Variants in MMP16 observed in about 807,000 individuals in gnomAD.
MMP16 encodes matrix metalloproteinase-16.
Under a neutral mutation model 67.8 loss-of-function variants are expected in MMP16, and 12 were observed. The observed-to-expected ratio is 0.18, with a 90% confidence interval of 0.11 to 0.29. MMP16 has a LOEUF of 0.29. Among genes scored for constraint, MMP16 ranks in the 10% least tolerant of loss-of-function variants. MMP16 has a pLI of 1.00. For missense variants in MMP16, 475 were observed against 765.7 expected, an observed-to-expected ratio of 0.62 and a Z score of 4.48; for synonymous variants, 249 against 255.9, an observed-to-expected ratio of 0.97 and a Z score of 0.26.
At chr8:88,046,973 G>A (rs181040438) in intron 8 of MMP16, among the ~76,000 whole-genome samples, 189 bp from the exon 9 acceptor site, 1 of 152,116 alleles carries the variant, frequency 6.6e-6, no homozygotes, top group Non-Finnish European at 1.5e-5. Flanking sequence ...AAAATACAAT[G>A]GGCATAAGGC....
At chr8:88,057,551 G>A (rs1013837277) in intron 7 of MMP16, among the ~76,000 whole-genome samples, 10 of 152,124 alleles carry the variant, frequency 6.6e-5, no homozygotes, top group Middle Eastern at 3.4e-3. Context: ...GTGTCCCAAC[G>A]TCCTTTCTAC....
chr8:88,065,401 T>C (rs1287572334), intron 7 of MMP16, among the ~76,000 whole-genome samples: 1 of 152,156 alleles, frequency 6.6e-6, no homozygotes, highest in Non-Finnish European at 1.5e-5. Context: ...ATCATTTTAA[T>C]AAGTAGAGGT....
intron 9 of MMP16, among the ~76,000 whole-genome samples, chr8:88,043,163 G>A (rs534063350): frequency 2.0e-5 from 3 of 152,270 alleles, no homozygotes; most frequent in East Asian, 1.9e-4. Context: ...TTAAGCCCAC[G>A]ATATTGAGGA....
chr8:88,214,685 G>A (rs982949400), intron 1 of MMP16, among the ~76,000 whole-genome samples: 6 of 152,122 alleles, frequency 3.9e-5, no homozygotes, highest in East Asian at 3.9e-4. Context: ...AGTATAAATC[G>A]TCTGCTTATT....
At chr8:88,222,897 G>A (rs1243220215) in intron 1 of MMP16, among the ~76,000 whole-genome samples, 1 of 151,816 alleles carries the variant, frequency 6.6e-6, no homozygotes, top group East Asian at 1.9e-4. Flanking sequence ...CTACCATCAG[G>A]GTGAACAGGC....
At chr8:88,095,388 C>T (rs1344701314) in intron 6 of MMP16, among the ~76,000 whole-genome samples, 1 of 151,502 alleles carries the variant, frequency 6.6e-6, no homozygotes, top group Non-Finnish European at 1.5e-5. Context: ...TGACTTTGGT[C>T]TTCTATGCAT....
At chr8:88,244,252 A>C (rs1375653457) in intron 1 of MMP16, among the ~76,000 whole-genome samples, 1 of 152,088 alleles carries the variant, frequency 6.6e-6, no homozygotes, top group African/African-American at 2.4e-5. Context: ...ACTTCAAACA[A>C]CTTTTATAAT....
At chr8:88,149,175 C>T (rs565085655) in intron 4 of MMP16, among the ~76,000 whole-genome samples, 4 of 152,334 alleles carry the variant, frequency 2.6e-5, no homozygotes, top group South Asian at 4.1e-4. Context: ...CGGCGCACCA[C>T]GAAACCATAT....
At chr8:88,147,327 T>C (rs1464454177) in intron 4 of MMP16, among the ~76,000 whole-genome samples, 1 of 152,080 alleles carries the variant, frequency 6.6e-6, no homozygotes, top group African/African-American at 2.4e-5. Context: ...TCTGAGAATA[T>C]TTTAATTCTC....
intron 1 of MMP16, among the ~76,000 whole-genome samples, chr8:88,221,364 C>T (rs932642032): frequency 4.6e-5 from 7 of 152,072 alleles, no homozygotes; most frequent in African/African-American, 1.7e-4. Flanking sequence ...ATTAGCAAGG[C>T]TGGCCATGAC....
At position 88,033,793 on chromosome 8, in the gene MMP16, G is replaced by A. The variant is rs1189297813; in HGVS notation, c.*7668C>T. On this transcript the variant is annotated 3_prime_UTR_variant, in exon 10 of 10. Coordinates refer to ENST00000286614, the MANE Select transcript of MMP16 (RefSeq NM_005941.5). ...GTCAAAACCAAGGCAGCAAAAAGCT[G>A]CCTCTGTAACACCCCTAATTCTTTG... is the stretch of plus-strand genomic sequence containing the variant. 6.6e-6 allele frequency: 1 copy of A among 151,936 alleles called. No homozygotes were observed. The highest frequency in any genetic ancestry group is 1.9e-4 in the East Asian group (1 of 5,192). The allele number at this position is 151,936 out of a possible 1,614,324, so 9.4% of individuals were successfully genotyped here. A position where few individuals can be genotyped will look rare whatever the true frequency, so the allele number is the denominator to read the frequency against.
intron 1 of MMP16, among the ~76,000 whole-genome samples, chr8:88,277,381 T>C (rs1810664368): frequency 1.3e-5 from 2 of 152,290 alleles, no homozygotes; most frequent in African/African-American, 4.8e-5. Context: ...AGCCTCCAGA[T>C]CTACATCTCC....
At chr8:88,197,019 A>C (rs1447159083) in intron 2 of MMP16, 139 bp downstream of exon 2, 6 of 775,288 alleles carry the variant, frequency 7.7e-6, no homozygotes, top group Non-Finnish European at 9.9e-6. Context: ...AGTGGGGTTA[A>C]ATTAGGTTAT....
chr8:88,169,394 C>T (rs1808764746), intron 3 of MMP16, among the ~76,000 whole-genome samples: 1 of 152,040 alleles, frequency 6.6e-6, no homozygotes, highest in Non-Finnish European at 1.5e-5. Flanking sequence ...TTCTGAGTAA[C>T]TCAATGAGAT....
chr8:88,216,165 G>A (rs1360174388), intron 1 of MMP16, among the ~76,000 whole-genome samples: 6 of 152,152 alleles, frequency 3.9e-5, no homozygotes, highest in Non-Finnish European at 8.8e-5. Flanking sequence ...TTTAGAAACT[G>A]TTCTAGTAAT....
chr8:88,166,800 C>T (rs531889862), intron 4 of MMP16, among the ~76,000 whole-genome samples: 16 of 147,136 alleles, frequency 1.1e-4, no homozygotes, highest in Non-Finnish European at 1.5e-4. Flanking sequence ...TATTGAACTC[C>T]TGAGCTCAAG....
At chr8:88,229,616 C>A (rs143068971) in intron 1 of MMP16, among the ~76,000 whole-genome samples, 85 of 151,592 alleles carry the variant, frequency 5.6e-4, no homozygotes, top group Non-Finnish European at 9.1e-4. Context: ...TTTATCTGTA[C>A]AAAATGCATT....
At chr8:88,122,366 A>G (rs1316912175) in intron 4 of MMP16, among the ~76,000 whole-genome samples, 1 of 151,972 alleles carries the variant, frequency 6.6e-6, no homozygotes, top group Non-Finnish European at 1.5e-5. Flanking sequence ...AGCCTTCTCC[A>G]AATTCCCAGG....
At chr8:88,321,530 G>A (rs1811459993) in intron 1 of MMP16, among the ~76,000 whole-genome samples, 1 of 152,116 alleles carries the variant, frequency 6.6e-6, no homozygotes, top group South Asian at 2.1e-4. Flanking sequence ...CTACTCAGCA[G>A]AAGGCTACGA....
Sources: allele counts gnomAD v4.1 joint callset (sites outside exome capture counted in the v4.1 genomes callset), GRCh38; gene constraint gnomAD v4.1.1; transcripts MANE v1.5; gene names NCBI Gene and HGNC (gene_info 2026-07-23, HGNC 2026-07-21).